GSE1: variants seen among roughly 807,000 people sequenced by gnomAD.
GSE1 encodes genetic suppressor element 1.
In GSE1, 32 loss-of-function variants were observed where a neutral mutation model predicts 112.6. The ratio of observed to expected loss-of-function variants is 0.28; its 90% confidence interval spans 0.21 to 0.38. GSE1 has a LOEUF of 0.38. Among genes scored for constraint, GSE1 ranks in the 10% least tolerant of loss-of-function variants. GSE1 has a pLI of 1.00. For synonymous variants in GSE1, 1,115 were observed against 735.6 expected (o/e 1.52, Z -8.35); for missense variants, 2,348 against 1,699.2 (o/e 1.38, Z -6.71).
At chr16:85,531,007 G>T (rs2044118088) in intron 2 of GSE1, among the ~76,000 whole-genome samples, 1 of 152,250 alleles carries the variant, frequency 6.6e-6, no homozygotes, top group South Asian at 2.1e-4. Context: ...CTGGCTCTGT[G>T]CTGGGAGCAG....
In GSE1 at chr16:85,666,882, G is replaced by A. The variant is rs539333731; in HGVS notation, c.3130+535G>A. On this transcript the variant is annotated intron_variant, in intron 13 of 15. Coordinates refer to ENST00000253458, the MANE Select transcript of GSE1 (RefSeq NM_014615.5). ...TTCAGATTAGAAATATTTGTGGGTG[G>A]GGTGGAATTCCACCAAGTTCCAAAA... 1.8e-4 allele frequency among the ~76,000 whole-genome samples: 27 copies of A among 152,288 alleles called. 1 individual carries two copies. In the South Asian group the frequency reaches 5.4e-3, roughly 30 times the overall value.
chr16:85,643,723 T>C (rs909762332), intron 2 of GSE1, among the ~76,000 whole-genome samples: 14 of 152,164 alleles, frequency 9.2e-5, no homozygotes, highest in Non-Finnish European at 1.9e-4. Context: ...GAGAAGTCTC[T>C]GAGGTTCCTG....
intron 2 of GSE1, among the ~76,000 whole-genome samples, chr16:85,408,191 GC>G (rs1349932686): frequency 2.5e-4 from 7 of 27,780 alleles, no homozygotes; most frequent in African/African-American, 7.1e-4. Context: ...TTACACTCAG[GC>G]CCCCCTGGAT....
At chr16:85,341,895 G>T (rs1174734358) in intron 1 of GSE1, among the ~76,000 whole-genome samples, 2 of 152,068 alleles carry the variant, frequency 1.3e-5, no homozygotes, top group Non-Finnish European at 2.9e-5. Flanking sequence ...TCCTAGCCTT[G>T]CCTGCTAACG....
intron 1 of GSE1, among the ~76,000 whole-genome samples, chr16:85,332,537 G>A (rs1045348267): frequency 2.0e-5 from 3 of 152,040 alleles, no homozygotes; most frequent in Non-Finnish European, 4.4e-5. Context: ...TATGACTTAC[G>A]GTGTCCAAAG....
chr16:85,657,736 C>G (rs1567741441), intron 8 of GSE1, 132 bp downstream of exon 8: 5 of 621,306 alleles, frequency 8.0e-6, no homozygotes, highest in Non-Finnish European at 1.3e-5. Context: ...TCTGTTCTTT[C>G]ATCTTCACGT....
chr16:85,501,253 C>T (rs906278092), intron 2 of GSE1, among the ~76,000 whole-genome samples: 2 of 152,042 alleles, frequency 1.3e-5, no homozygotes, highest in Non-Finnish European at 2.9e-5. Flanking sequence ...CCACCTGCCT[C>T]GGCCTCCCAA....
Position 85,673,457 on chromosome 16 carries a change from G to GTTGTT in GSE1, c.*922_*926dup, listed in dbSNP as rs1193740358. 1 of 121,616 alleles carries GTTGTT rather than the reference G, an allele frequency of 8.2e-6. No individual in the cohort carries two copies. Among genetic ancestry groups the GTTGTT allele is most frequent in the Non-Finnish European group, 1.7e-5 (1 of 57,478 alleles). 7.5% of individuals were successfully genotyped at this position (121,616 alleles called of 1,614,324 possible). A position where few individuals can be genotyped will look rare whatever the true frequency, so the allele number is the denominator to read the frequency against. On this transcript the variant is annotated 3_prime_UTR_variant, in exon 16 of 16. Transcript: ENST00000253458. Reference sequence around the variant, plus strand: ...TTTTTCCTGTTTGGGGGTTTTGTTTGTTGTTTTGGTTTTTTTTGGGCAAAA... The same window carrying GTTGTT: ...TTTTTCCTGTTTGGGGGTTTTGTTTGTTGTTTTGTTTTGGTTTTTTTTGGGCAAAA...
At chr16:85,324,565 T>A (rs2046186721) in intron 1 of GSE1, among the ~76,000 whole-genome samples, 1 of 151,592 alleles carries the variant, frequency 6.6e-6, no homozygotes, top group Non-Finnish European at 1.5e-5. Flanking sequence ...CACAAAAGCC[T>A]GTGCACACAC....
At chr16:85,259,401 T>C (rs1162614646) in intron 1 of GSE1, among the ~76,000 whole-genome samples, 1 of 152,132 alleles carries the variant, frequency 6.6e-6, no homozygotes, top group African/African-American at 2.4e-5. Context: ...TGAAGACTTG[T>C]TTTTTGTGTA....
chr16:85,466,093 C>T (rs1030829498), intron 2 of GSE1, among the ~76,000 whole-genome samples: 1 of 152,208 alleles, frequency 6.6e-6, no homozygotes, highest in Non-Finnish European at 1.5e-5. Context: ...ATCTCAGTGA[C>T]AGCAGCCGGC....
chr16:85,368,719 A>G (rs963557528), intron 2 of GSE1, among the ~76,000 whole-genome samples: 5 of 152,134 alleles, frequency 3.3e-5, no homozygotes, highest in African/African-American at 9.7e-5. Flanking sequence ...AAACTAAACT[A>G]AACTAAAATT....
chr16:85,667,649 G>A (rs926807129), intron 13 of GSE1, among the ~76,000 whole-genome samples: 3 of 152,200 alleles, frequency 2.0e-5, no homozygotes, highest in Non-Finnish European at 2.9e-5. Flanking sequence ...CCTGAGGTCC[G>A]GAGTTTGAAA....
chr16:85,630,174 C>T (rs1598449288), intron 1 of GSE1, among the ~76,000 whole-genome samples: 1 of 152,190 alleles, frequency 6.6e-6, no homozygotes, highest in Non-Finnish European at 1.5e-5. Flanking sequence ...GCTGACCCCC[C>T]TCCACTGGAG....
intron 1 of GSE1, among the ~76,000 whole-genome samples, chr16:85,177,547 G>A (rs1198943528): frequency 6.6e-6 from 1 of 152,212 alleles, no homozygotes; most frequent in African/African-American, 2.4e-5. Flanking sequence ...ATCCGTCAAA[G>A]TGACAGGACT....
Position 85,661,690 on chromosome 16 carries a change from T to C in GSE1, c.2185T>C (p.Phe729Leu). ...CGACCCTGCCTACATCTATGATGAG[T>C]TCCTGCAGCAGCGCCGGAGGCTGGT... ...APDPAYIYDE[F>L]LQQRRRLVSK... is the part of the protein sequence containing the mutation. The change falls in exon 9 of 16, where the codon TTC (phenylalanine) becomes CTC (leucine). Residue 729 changes from phenylalanine to leucine, a missense_variant. Coordinates refer to ENST00000253458, the MANE Select transcript of GSE1 (RefSeq NM_014615.5). 8 of 1,607,908 alleles carry C rather than the reference T, an allele frequency of 5.0e-6. No individual in the cohort carries two copies. Among genetic ancestry groups the C allele is most frequent in the Non-Finnish European group, 6.8e-6 (8 of 1,177,420 alleles).
intron 3 of GSE1, among the ~76,000 whole-genome samples, chr16:85,649,564 G>A (rs1310132873): frequency 6.6e-6 from 1 of 152,188 alleles, no homozygotes; most frequent in African/African-American, 2.4e-5. Flanking sequence ...GAAGGAGCTG[G>A]CACTGGGAGC....
At chr16:85,543,523 G>A in intron 2 of GSE1, among the ~76,000 whole-genome samples, 1 of 152,300 alleles carries the variant, frequency 6.6e-6, no homozygotes, top group East Asian at 1.9e-4. Flanking sequence ...AGCCCTGCTG[G>A]GGGGCAGGCC....
chr16:85,333,488 C>G (rs1478724403), intron 1 of GSE1, among the ~76,000 whole-genome samples: 4 of 152,248 alleles, frequency 2.6e-5, no homozygotes, highest in African/African-American at 9.6e-5. Context: ...GGCCCTTCCA[C>G]TTTGCCCACC....
Sources: gnomAD v4.1 joint callset for allele counts (sites outside exome capture counted in the v4.1 genomes callset) on GRCh38, gnomAD v4.1.1 for gene constraint, MANE v1.5 for transcripts, NCBI Gene and HGNC (gene_info 2026-07-23, HGNC 2026-07-21) for gene names.